GRIN3A: variants seen among roughly 807,000 people sequenced by gnomAD.
The protein encoded by GRIN3A is glutamate ionotropic receptor NMDA type subunit 3A, also known as glutamate receptor ionotropic, NMDA 3A.
Under a neutral mutation model 92.4 loss-of-function variants are expected in GRIN3A, and 47 were observed. The ratio of observed to expected loss-of-function variants is 0.51; its 90% CI spans 0.40 to 0.65. GRIN3A has a LOEUF of 0.65. Ranked by LOEUF, GRIN3A falls within the 30% of genes least tolerant of loss-of-function variation. The pLI, the probability that GRIN3A is intolerant of heterozygous loss-of-function variation, is 0.00. For missense variants in GRIN3A, 1,324 were observed against 1,393.1 expected (o/e 0.95, Z 0.79); for synonymous variants, 527 against 540.6 (o/e 0.97, Z 0.35).
chr9:101,662,671 T>G (rs1400258611), intron 3 of GRIN3A, among the ~76,000 whole-genome samples: 1 of 151,838 alleles, frequency 6.6e-6, no homozygotes, highest in African/African-American at 2.4e-5. Flanking sequence ...CTTTGGGATT[T>G]TGATTGAAGT....
intron 6 of GRIN3A, chr9:101,593,161 T>C (rs1268179375): frequency 6.6e-6 from 1 of 152,232 alleles, no homozygotes. Flanking sequence ...AAAGCTTTTG[T>C]TCTTTTCTCA....
At chr9:101,684,884 A>G (rs548689468) in intron 2 of GRIN3A, among the ~76,000 whole-genome samples, 1 of 152,340 alleles carries the variant, frequency 6.6e-6, no homozygotes, top group South Asian at 2.1e-4. Context: ...ACTATTTGAA[A>G]TTATAAATCA....
Position 101,648,969 on chromosome 9 carries a change from A to G in GRIN3A, c.2353-20568T>C, listed in dbSNP as rs144339672. Among the ~76,000 whole-genome samples the G allele has an allele frequency of 7.7e-3, 1,165 of 152,046 alleles. 5 individuals carry two copies. The highest frequency in any genetic ancestry group is 0.021 in the Middle Eastern group (6 of 292). ...GAACTAAAACATTGCATTGAACTTA[A>G]CTCACTGCCCTGTCATTGTTTCCCC... On this transcript the variant is annotated intron_variant, in intron 3 of 8. Transcript: ENST00000361820.
At chr9:101,719,758 G>T (rs1211217270) in intron 1 of GRIN3A, among the ~76,000 whole-genome samples, 1 of 152,194 alleles carries the variant, frequency 6.6e-6, no homozygotes, top group African/African-American at 2.4e-5. Flanking sequence ...AATAGGATAT[G>T]ATCATTTCCA....
At position 101,724,394 on chromosome 9, in the gene GRIN3A, G is replaced by A. The variant is rs192107734; in HGVS notation, c.699+12887C>T. 4.3e-3 allele frequency among the ~76,000 whole-genome samples: 652 copies of A among 152,228 alleles called. 1 individual carries two copies. Among genetic ancestry groups the A allele is most frequent in the Middle Eastern group, 6.8e-3 (2 of 292 alleles). On this transcript the variant is annotated intron_variant, in intron 1 of 8. Coordinates refer to ENST00000361820, the MANE Select transcript of GRIN3A (RefSeq NM_133445.3). ...CTCATTGCCCAGGGCCGGCAGGGCC[G>A]GCCCGCTGCTCCGAGTGCGGGGCCC...
At chr9:101,586,927 G>A (rs1827957239) in intron 6 of GRIN3A, among the ~76,000 whole-genome samples, 1 of 152,184 alleles carries the variant, frequency 6.6e-6, no homozygotes, top group Admixed American at 6.5e-5. Context: ...TTGGAGTGCT[G>A]TGGTTCGAGG....
chr9:101,708,198 A>C (rs1376455299), intron 1 of GRIN3A, among the ~76,000 whole-genome samples: 1 of 152,192 alleles, frequency 6.6e-6, no homozygotes, highest in East Asian at 1.9e-4. Context: ...GAACGCTAAT[A>C]GTAGTCAATG....
chr9:101,645,366 C>A (rs2118907488), intron 3 of GRIN3A, among the ~76,000 whole-genome samples: 1 of 151,830 alleles, frequency 6.6e-6, no homozygotes, highest in South Asian at 2.1e-4. Context: ...TTGTGTATGT[C>A]ACGTTTTCTT....
intron 3 of GRIN3A, among the ~76,000 whole-genome samples, chr9:101,664,642 T>A (rs996667121): frequency 1.3e-4 from 20 of 151,946 alleles, no homozygotes; most frequent in Admixed American, 9.2e-4. Context: ...TTCAACCTCC[T>A]GTGGCTGCTG....
chr9:101,708,855 C>T (rs892818422), intron 1 of GRIN3A, among the ~76,000 whole-genome samples: 10 of 152,166 alleles, frequency 6.6e-5, no homozygotes, highest in African/African-American at 1.9e-4. Context: ...CATAAAATTT[C>T]GCAGTAAACC....
At chr9:101,679,085 T>C (rs1829436030) in intron 2 of GRIN3A, among the ~76,000 whole-genome samples, 1 of 152,198 alleles carries the variant, frequency 6.6e-6, no homozygotes, top group African/African-American at 2.4e-5. Flanking sequence ...CTTCAAGTAT[T>C]GCCTTGGCAT....
intron 1 of GRIN3A, among the ~76,000 whole-genome samples, chr9:101,714,041 T>C (rs1829913576): frequency 1.3e-5 from 2 of 151,780 alleles, no homozygotes; most frequent in South Asian, 4.2e-4. Context: ...AAATAAAAAT[T>C]AAAAACAAAA....
chr9:101,721,751 G>A (rs1830015597), intron 1 of GRIN3A, among the ~76,000 whole-genome samples: 1 of 152,130 alleles, frequency 6.6e-6, no homozygotes, highest in Non-Finnish European at 1.5e-5. Flanking sequence ...GAGATTTGTG[G>A]AACTTTGAAC....
Position 101,737,898 on chromosome 9 carries a change from C to G in GRIN3A, c.82G>C (p.Val28Leu), listed in dbSNP as rs762654485. 6.5e-7 allele frequency: 1 copy of G among 1,534,782 alleles called. No homozygotes were observed. The change falls in exon 1 of 9, where the codon GTG becomes CTG. Residue 28 changes from valine to leucine, a missense_variant. Coordinates refer to ENST00000361820, the MANE Select transcript of GRIN3A (RefSeq NM_133445.3). Reference sequence around the variant, plus strand: ...TGCGGGTGCGAGGAGGAGCTGGGCACCCCGGCCAGCACCAGTGCGCAGGGC... The same window carrying G: ...TGCGGGTGCGAGGAGGAGCTGGGCAGCCCGGCCAGCACCAGTGCGCAGGGC... The part of the protein sequence containing the change: ...PPPCALVLAG[V>L]PSSSSHPQPC...
chr9:101,737,616 G>T lies in GRIN3A; in HGVS notation c.364C>A (p.Leu122Met). 1 of 1,613,276 alleles carries T rather than the reference G, an allele frequency of 6.2e-7. No individual in the cohort carries two copies. ...KPGEGARAEA[L>M]WPRDALLFAV... is the part of the protein sequence containing the mutation. ...AATAGGAGGGCGTCCCGTGGCCACA[G>T]GGCCTCCGCCCTGGCGCCCTCCCCG... is the stretch of plus-strand genomic sequence containing the variant. The change falls in exon 1 of 9, where the codon CTG (leucine) becomes ATG (methionine). Residue 122 changes from leucine (L) to methionine (M), a missense_variant. Physicochemically the swap from Leu to Met is conservative, Grantham distance 15. Coordinates refer to ENST00000361820, the MANE Select transcript of GRIN3A (RefSeq NM_133445.3).
At chr9:101,659,335 C>T (rs1195634065) in intron 3 of GRIN3A, among the ~76,000 whole-genome samples, 1 of 150,632 alleles carries the variant, frequency 6.6e-6, no homozygotes, top group African/African-American at 2.4e-5. Flanking sequence ...TATCTTATGA[C>T]ACATTTATTG....
chr9:101,736,981 C>T (rs565267904), intron 1 of GRIN3A, among the ~76,000 whole-genome samples: 2 of 152,284 alleles, frequency 1.3e-5, no homozygotes, highest in Admixed American at 6.5e-5. Flanking sequence ...CGTCGGGCAT[C>T]TACTAGATTT....
At chr9:101,646,976 T>C (rs1240456651) in intron 3 of GRIN3A, among the ~76,000 whole-genome samples, 1 of 151,908 alleles carries the variant, frequency 6.6e-6, no homozygotes, top group Non-Finnish European at 1.5e-5. Flanking sequence ...CCAATTTGGA[T>C]GCTTTTTATT....
At chr9:101,713,221 T>C (rs1347661851) in intron 1 of GRIN3A, among the ~76,000 whole-genome samples, 3 of 152,148 alleles carry the variant, frequency 2.0e-5, no homozygotes, top group Non-Finnish European at 4.4e-5. Context: ...AATGTAGGCA[T>C]CTCCAAGAAG....
Sources: gnomAD v4.1 joint callset for allele counts (sites outside exome capture counted in the v4.1 genomes callset) on GRCh38, gnomAD v4.1.1 for gene constraint, MANE v1.5 for transcripts, NCBI Gene and HGNC (gene_info 2026-07-23, HGNC 2026-07-21) for gene names.